Variants in ZNF335 observed in about 807,000 individuals in gnomAD.
The protein encoded by ZNF335 is zinc finger protein 335.
In ZNF335, 84 loss-of-function variants were observed where a neutral mutation model predicts 145.6. That is an observed-to-expected ratio of 0.58 (90% CI 0.48 to 0.69). The LOEUF (loss-of-function observed/expected upper bound fraction) is 0.69. Ranked by LOEUF, ZNF335 falls within the 30% of genes least tolerant of loss-of-function variation. The pLI, the probability that ZNF335 is intolerant of heterozygous loss-of-function variation, is 0.00. For synonymous variants in ZNF335, 761 were observed against 717.0 expected, an observed-to-expected ratio of 1.06 and a Z score of -0.98; for missense variants, 1,865 against 1,809.7, an observed-to-expected ratio of 1.03 and a Z score of -0.55.
At chr20:45,958,212 TA>T (rs1900295191) in intron 15 of ZNF335, among the ~76,000 whole-genome samples, 1 of 152,276 alleles carries the variant, frequency 6.6e-6, no homozygotes, top group African/African-American at 2.4e-5. Flanking sequence ...CACACCCAGC[TA>T]ATTTTTATAT....
chr20:45,951,909 T>G (rs1194188823), intron 20 of ZNF335, among the ~76,000 whole-genome samples: 1 of 152,218 alleles, frequency 6.6e-6, no homozygotes, highest in Non-Finnish European at 1.5e-5. Flanking sequence ...CTCTGTGTCC[T>G]GCACCCTTGG....
intron 7 of ZNF335, 56 bp downstream of exon 7, chr20:45,965,572 G>T: frequency 6.5e-7 from 1 of 1,547,498 alleles, no homozygotes; most frequent in Admixed American, 2.2e-5. Context: ...AGACAAGCAG[G>T]GAGAGAGGCC....
At chr20:45,962,595 C>T (rs770941542) in intron 9 of ZNF335, among the ~76,000 whole-genome samples, 3 of 152,190 alleles carry the variant, frequency 2.0e-5, no homozygotes, top group Admixed American at 6.5e-5. Context: ...CTCTGACCAC[C>T]GTGCCCGGAA....
In ZNF335 at chr20:45,960,846, C is replaced by A; in HGVS notation, c.1665+18G>T. ...CCCCCGGGCAGGTTCCCTTCCCAGGCCAGCACGCCAGACTCACCGGATCTG... is the reference window on the plus strand; with the variant it reads ...CCCCCGGGCAGGTTCCCTTCCCAGGACAGCACGCCAGACTCACCGGATCTG... On this transcript the variant is annotated intron_variant, in intron 11 of 27. Coordinates refer to ENST00000322927, the MANE Select transcript of ZNF335 (RefSeq NM_022095.4). 6.2e-7 allele frequency: 1 copy of A among 1,613,924 alleles called. No individual in the cohort carries two copies. Among genetic ancestry groups the A allele is most frequent in the Non-Finnish European group, 8.5e-7 (1 of 1,179,948 alleles).
At chr20:45,952,768 A>C (rs1226594469) in intron 18 of ZNF335, 59 bp from the exon 19 acceptor site, 17 of 1,508,590 alleles carry the variant, frequency 1.1e-5, no homozygotes, top group Middle Eastern at 1.8e-4. Flanking sequence ...CCCCTTCCCC[A>C]AGCAACAGGC....
chr20:45,948,934 T>G lies in ZNF335; in HGVS notation c.*19A>C, dbSNP rs200923320. On this transcript the variant is annotated 3_prime_UTR_variant, in exon 28 of 28. Coordinates refer to ENST00000322927, the MANE Select transcript of ZNF335 (RefSeq NM_022095.4). ...GAGAGCTGGCCGCAAATCCATGATC[T>G]GTGTTGGGCCCTCGGGGCTCAGTCA... is the stretch of plus-strand genomic sequence containing the variant. 1.3e-4 allele frequency: 214 copies of G among 1,613,752 alleles called. 1 individual carries two copies. In the East Asian group the frequency reaches 4.1e-3, roughly 31 times the overall value.
Position 45,948,746 on chromosome 20 carries a change from C to T in ZNF335, c.*207G>A. 1 of 690,204 alleles carries T rather than the reference C, an allele frequency of 1.4e-6. No homozygotes were observed. The highest frequency in any genetic ancestry group is 2.4e-6 in the Non-Finnish European group (1 of 417,172). The allele number at this position is 690,204 out of a possible 1,614,324, so 42.8% of individuals were successfully genotyped here. A position where few individuals can be genotyped will look rare whatever the true frequency, so the allele number is the denominator to read the frequency against. On this transcript the variant is annotated 3_prime_UTR_variant, in exon 28 of 28. Transcript: ENST00000322927. ...AAATAAATTTCTCTCCCAAAGCCTG[C>T]CTGCAGGCTGGGGCACCCAGCATGT...
rs1227371088 is a variant in ZNF335 at position 45,952,001 on chromosome 20, G to A, written c.3189+146C>T. 6.7e-6 allele frequency: 8 copies of A among 1,202,678 alleles called. No individual in the cohort carries two copies. The East Asian group carries it at 1.3e-4, about 20-fold the overall frequency. The allele number at this position is 1,202,678 out of a possible 1,614,324, so 74.5% of individuals were successfully genotyped here. On this transcript the variant is annotated intron_variant, in intron 20 of 27. Transcript: ENST00000322927. The stretch of plus-strand genomic sequence containing the variant: ...CACCAGACCAACTCCCTGAGAGCTG[G>A]GACCTTGCGGAGTCATCTCTGACCC...
chr20:45,969,739 G>T, intron 2 of ZNF335, 48 bp from the exon 3 acceptor site: 1 of 1,589,692 alleles, frequency 6.3e-7, no homozygotes, highest in South Asian at 1.1e-5. Context: ...GCTGGGTATG[G>T]GGCAGGGCAG....
rs949172122 is a variant in ZNF335, at chr20:45,960,272, G to A, written c.1956C>T (p.Ser652=). 1 of 1,614,194 alleles carries A rather than the reference G, an allele frequency of 6.2e-7. No homozygotes were observed. The highest frequency in any genetic ancestry group is 1.1e-5 in the South Asian group (1 of 91,088). The change falls in exon 14 of 28, where the codon AGC becomes AGT. Residue 652 remains serine, a synonymous_variant. Coordinates refer to ENST00000322927, the MANE Select transcript of ZNF335 (RefSeq NM_022095.4). Reference sequence around the variant, plus strand: ...CTCGGAAGGTGCGGTAGGGACAAAAGCTGCATTTGAAGGGCTTGTCACTGA... The same window carrying A: ...CTCGGAAGGTGCGGTAGGGACAAAAACTGCATTTGAAGGGCTTGTCACTGA... The part of the protein sequence containing the change: ...SHVSDKPFKC[S]FCPYRTFRED...
In ZNF335 at chr20:45,962,176, T is replaced by C; in HGVS notation, c.1540A>G (p.Met514Val). 1.2e-6 allele frequency: 2 copies of C among 1,613,964 alleles called. No individual in the cohort carries two copies. The highest frequency in any genetic ancestry group is 1.1e-5 in the South Asian group (1 of 91,076). The change falls in exon 10 of 28, where the codon ATG becomes GTG. Residue 514 changes from methionine to valine, a missense_variant. By Grantham distance (21) the Met-to-Val change is conservative (BLOSUM62 1). Coordinates refer to ENST00000322927, the MANE Select transcript of ZNF335 (RefSeq NM_022095.4). ...SRRWSSLKEH[M>V]FNHVGSKPYK... ...GGCTTGCTGCCCACGTGGTTGAACA[T>C]GTGCTCCTGGGAGACAGACAAAAGG...
At chr20:45,964,402 A>G (rs1443850223) in intron 7 of ZNF335, 3 of 168,368 alleles carry the variant, frequency 1.8e-5, no homozygotes, top group African/African-American at 7.1e-5. Flanking sequence ...CTCGGGAAGC[A>G]ATAGGAGTGC....
Position 45,969,488 on chromosome 20 carries a change from C to T in ZNF335, c.405G>A (p.Lys135=), listed in dbSNP as rs1234602888. The change falls in exon 3 of 28, where the codon AAG becomes AAA. Residue 135 remains lysine (K), a synonymous_variant. Transcript: ENST00000322927. ...SSSDLGSAID[K]IIESTIGPDL... Reference sequence around the variant, plus strand: ...CGGGCCCGATGGTGGACTCGATGATCTTGTCGATGGCCGAGCCCAGGTCCG... The same window carrying T: ...CGGGCCCGATGGTGGACTCGATGATTTTGTCGATGGCCGAGCCCAGGTCCG... 42 of 1,563,048 alleles carry T rather than the reference C, an allele frequency of 2.7e-5. No individual in the cohort carries two copies. Among genetic ancestry groups the T allele is most frequent in the Non-Finnish European group, 3.5e-5 (40 of 1,144,434 alleles).
chr20:45,957,528 G>A (rs913536421), intron 17 of ZNF335, 58 bp downstream of exon 17: 4 of 1,529,768 alleles, frequency 2.6e-6, no homozygotes, highest in Middle Eastern at 1.7e-4. Flanking sequence ...CCAGTGTCCA[G>A]TGCAGGGCTG....
chr20:45,949,619 G>T (rs773066150), intron 24 of ZNF335, 51 bp from the exon 25 acceptor site: 3 of 1,546,682 alleles, frequency 1.9e-6, no homozygotes, highest in East Asian at 2.3e-5. Flanking sequence ...GGCCCCACTC[G>T]CCAGGAGCTT....
In ZNF335 at chr20:45,949,892, A is replaced by G. The variant is rs746242602; in HGVS notation, c.3592-15T>C. 4 of 1,614,036 alleles carry G rather than the reference A, an allele frequency of 2.5e-6. No individual in the cohort carries two copies. Among genetic ancestry groups the G allele is most frequent in the Non-Finnish European group, 3.4e-6 (4 of 1,179,972 alleles). ...GCGGCTTCCTCCTGCCAGGACCAAG[A>G]CAGCTCTAGCCTCATTTCTCTACCC... On this transcript the variant is annotated splice_polypyrimidine_tract_variant and intron_variant, in intron 23 of 27. Coordinates refer to ENST00000322927, the MANE Select transcript of ZNF335 (RefSeq NM_022095.4).
At position 45,957,633 on chromosome 20, in the gene ZNF335, G is replaced by T. The variant is rs953238627; in HGVS notation, c.2395C>A (p.Leu799Met). 6.2e-7 allele frequency: 1 copy of T among 1,614,078 alleles called. No individual in the cohort carries two copies. Among genetic ancestry groups the T allele is most frequent in the African/African-American group, 1.3e-5 (1 of 74,928 alleles). The change falls in exon 17 of 28, where the codon CTG (leucine) becomes ATG (methionine). Residue 799 changes from leucine to methionine, a missense_variant. Physicochemically the swap from Leu to Met is conservative, Grantham distance 15. Transcript: ENST00000322927. ...AMATQTALDL[L>M]LNMSAQRELG... is the part of the protein sequence containing the mutation. ...TCCCGCTGAGCACTCATGTTCAGCA[G>T]AAGATCCAAGGCTGTCTGCGTGGCC...
rs570836935 is a variant in ZNF335, at chr20:45,964,738, G to T, written c.1103-748C>A. Among the ~76,000 whole-genome samples, 11 of 152,180 alleles carry T rather than the reference G, an allele frequency of 7.2e-5. No individual in the cohort carries two copies. The East Asian group carries it at 2.1e-3, about 29-fold the overall frequency. ...GGTAAAAAGGCCTTTTTGAAATAGA[G>T]ACTAAAGAATACAATAGGCCAAGTG... On this transcript the variant is annotated intron_variant, in intron 7 of 27. Coordinates refer to ENST00000322927, the MANE Select transcript of ZNF335 (RefSeq NM_022095.4).
intron 6 of ZNF335, among the ~76,000 whole-genome samples, chr20:45,966,516 TG>T (rs1188582419): frequency 6.6e-6 from 1 of 151,554 alleles, no homozygotes; most frequent in Non-Finnish European, 1.5e-5. Flanking sequence ...GAGACCAGCC[TG>T]GGCAACTCAG....
Sources: allele counts gnomAD v4.1 joint callset (sites outside exome capture counted in the v4.1 genomes callset), GRCh38; gene constraint gnomAD v4.1.1; transcripts MANE v1.5; gene names NCBI Gene and HGNC (gene_info 2026-07-23, HGNC 2026-07-21).